CRB1: variants seen among roughly 807,000 people sequenced by gnomAD.
CRB1 encodes protein crumbs homolog 1.
A neutral mutation model predicts 120.0 loss-of-function variants in CRB1; 83 were observed. That is an observed-to-expected ratio of 0.69 (90% CI 0.58 to 0.83). The LOEUF (loss-of-function observed/expected upper bound fraction) is 0.83. Among genes scored for constraint, CRB1 ranks in the 40% least tolerant of loss-of-function variants. The pLI is 0.00. For missense variants in CRB1, 1,699 were observed against 1,687.6 expected, an observed-to-expected ratio of 1.01 and a Z score of -0.12; for synonymous variants, 625 against 612.5, an observed-to-expected ratio of 1.02 and a Z score of -0.30.
At chr1:197,227,383 T>C in the CRB1 span, among the ~76,000 whole-genome samples, 1 of 149,918 alleles carries the variant, frequency 6.7e-6, no homozygotes, top group Non-Finnish European at 1.5e-5. Flanking sequence ...CAAATTCTTT[T>C]TTTCTTTTTC....
At chr1:197,252,582 A>ATATATATATATATATATGTGTG in the CRB1 span, among the ~76,000 whole-genome samples, 1 of 15,502 alleles carries the variant, frequency 6.5e-5, no homozygotes, top group Non-Finnish European at 1.4e-4. Context: ...ATATATATAT[A>ATATATATATATATATATGTGTG]TGTGTGTGTG....
intron 5 of CRB1, among the ~76,000 whole-genome samples, chr1:197,375,883 G>A (rs1661619936): frequency 6.6e-6 from 1 of 152,066 alleles, no homozygotes; most frequent in Admixed American, 6.6e-5. Context: ...AAAGAGATGT[G>A]TATACTTACT....
chr1:197,416,689 T>A (rs924279271), intron 5 of CRB1, among the ~76,000 whole-genome samples: 4 of 152,078 alleles, frequency 2.6e-5, no homozygotes, highest in African/African-American at 9.7e-5. Context: ...AGGTTTATAC[T>A]TTTTTATTTT....
intron 11 of CRB1, among the ~76,000 whole-genome samples, chr1:197,446,247 A>G (rs1190912633): frequency 6.6e-6 from 1 of 152,016 alleles, no homozygotes; most frequent in Non-Finnish European, 1.5e-5. Flanking sequence ...GATGTAACTG[A>G]GTGCCAGCTG....
chr1:197,252,582 A>ATATATATATATATATGTGTGTG, the CRB1 span, among the ~76,000 whole-genome samples: 3 of 15,500 alleles, frequency 1.9e-4, no homozygotes, highest in Non-Finnish European at 4.2e-4. Context: ...ATATATATAT[A>ATATATATATATATATGTGTGTG]TGTGTGTGTG....
intron 11 of CRB1, among the ~76,000 whole-genome samples, chr1:197,462,555 C>T (rs966729447): frequency 3.9e-5 from 6 of 152,130 alleles, no homozygotes; most frequent in Non-Finnish European, 8.8e-5. Flanking sequence ...AAAAACATTA[C>T]GCACTCCTTT....
chr1:197,473,532 G>A (rs1667068581), intron 11 of CRB1, among the ~76,000 whole-genome samples: 1 of 150,920 alleles, frequency 6.6e-6, no homozygotes, highest in South Asian at 2.1e-4. Flanking sequence ...AGTAATCACA[G>A]TTTAAATTAA....
chr1:197,224,768 G>T, the CRB1 span, among the ~76,000 whole-genome samples: 1 of 151,946 alleles, frequency 6.6e-6, no homozygotes, highest in African/African-American at 2.4e-5. Context: ...TTCTTTAGCA[G>T]TCTATGCATT....
In CRB1 at chr1:197,445,461, C is replaced by G. The variant is rs534025652; in HGVS notation, c.4005+3169C>G. Among the ~76,000 whole-genome samples the G allele has an allele frequency of 7.2e-4, 109 of 152,300 alleles. 1 individual carries two copies. Among genetic ancestry groups the G allele is most frequent in the Non-Finnish European group, 1.4e-3 (93 of 68,016 alleles). On this transcript the variant is annotated intron_variant, in intron 11 of 11. Transcript: ENST00000367400. The stretch of plus-strand genomic sequence containing the variant: ...CAATTAACACCACTGAGGACTTACT[C>G]TATGCCAGGAACTGTGATAAGCCTT...
intron 11 of CRB1, chr1:197,444,090 TG>T (rs1665587440): frequency 6.6e-6 from 1 of 152,190 alleles, no homozygotes; most frequent in South Asian, 2.1e-4. Context: ...TTAAGAAAGT[TG>T]TTTTTTTGTG....
At chr1:197,202,431 C>T in the CRB1 span, among the ~76,000 whole-genome samples, 3 of 151,834 alleles carry the variant, frequency 2.0e-5, no homozygotes, top group Non-Finnish European at 2.9e-5. Context: ...AATGTAAAAC[C>T]AAGATAGAAA....
intron 4 of CRB1, among the ~76,000 whole-genome samples, chr1:197,347,984 A>T (rs1206386021): frequency 6.6e-6 from 1 of 152,262 alleles, no homozygotes; most frequent in Non-Finnish European, 1.5e-5. Context: ...ACAAGAATCA[A>T]TAGAAAACAG....
At chr1:197,303,235 A>C (rs1439149159) in intron 1 of CRB1, among the ~76,000 whole-genome samples, 1 of 147,148 alleles carries the variant, frequency 6.8e-6, no homozygotes, top group African/African-American at 2.5e-5. Flanking sequence ...GCACCCATTA[A>C]CTCGTCATTT....
chr1:197,447,668 C>G lies in CRB1; in HGVS notation c.4005+5376C>G, dbSNP rs558680409. 3.6e-4 allele frequency among the ~76,000 whole-genome samples: 54 copies of G among 151,728 alleles called. 1 individual carries two copies. Among genetic ancestry groups the G allele is most frequent in the Non-Finnish European group, 4.0e-4 (27 of 67,906 alleles). The stretch of plus-strand genomic sequence containing the variant: ...GCCAGCTAGGAAGCATGGTAAAATC[C>G]CCTTTCTGACAAAAAAAAAGAAAAG... On this transcript the variant is annotated intron_variant, in intron 11 of 11. Transcript: ENST00000367400.
chr1:197,230,062 C>T, the CRB1 span, among the ~76,000 whole-genome samples: 2 of 152,296 alleles, frequency 1.3e-5, no homozygotes, highest in Non-Finnish European at 1.5e-5. Flanking sequence ...GTCATTTCAT[C>T]CTCACAACAC....
the CRB1 span, among the ~76,000 whole-genome samples, chr1:197,247,027 A>G: frequency 6.6e-5 from 10 of 152,210 alleles, no homozygotes; most frequent in African/African-American, 2.4e-4. Flanking sequence ...ATAATTATCT[A>G]TAGCAATCAT....
intron 5 of CRB1, among the ~76,000 whole-genome samples, chr1:197,378,391 A>G (rs1661760908): frequency 6.6e-6 from 1 of 152,220 alleles, no homozygotes; most frequent in South Asian, 2.1e-4. Context: ...TCTTACAGCT[A>G]CAGATTAATC....
At chr1:197,411,342 A>G (rs533854377) in intron 5 of CRB1, among the ~76,000 whole-genome samples, 1 of 152,222 alleles carries the variant, frequency 6.6e-6, no homozygotes, top group Non-Finnish European at 1.5e-5. Flanking sequence ...TTCAAAGATA[A>G]GTTGAGGTAA....
the CRB1 span, among the ~76,000 whole-genome samples, chr1:197,255,994 T>TAC: frequency 4.5e-5 from 6 of 133,882 alleles, no homozygotes; most frequent in African/African-American, 1.2e-4. Context: ...TATATATATA[T>TAC]ATACACTACA....
Sources: gnomAD v4.1 joint callset for allele counts (sites outside exome capture counted in the v4.1 genomes callset) on GRCh38, gnomAD v4.1.1 for gene constraint, MANE v1.5 for transcripts, NCBI Gene and HGNC (gene_info 2026-07-23, HGNC 2026-07-21) for gene names.